The following FAH variants were observed in gnomAD, a reference collection of about 807,000 sequenced individuals.
FAH encodes the protein fumarylacetoacetate hydrolase.
FAH carries 47 observed loss-of-function variants against 55.8 expected under a neutral mutation model. The observed-to-expected ratio is 0.84, with a 90% CI of 0.67 to 1.07. The LOEUF (loss-of-function observed/expected upper bound fraction) is 1.07. FAH is among the 50% of genes least tolerant of loss of function. The pLI, the probability that FAH is intolerant of heterozygous loss-of-function variation, is 0.00. For synonymous variants in FAH, 199 were observed against 207.7 expected, an observed-to-expected ratio of 0.96 and a Z score of 0.36; for missense variants, 495 against 545.9, an observed-to-expected ratio of 0.91 and a Z score of 0.93.
chr15:80,184,946 A>C (rs2041358318), intron 13 of FAH, among the ~76,000 whole-genome samples: 1 of 151,818 alleles, frequency 6.6e-6, no homozygotes, highest in African/African-American at 2.4e-5. Context: ...CCTTGTAAGC[A>C]TTTCTCTGTA....
At chr15:80,183,662 TTCTAA>T (rs961923075) in intron 13 of FAH, among the ~76,000 whole-genome samples, 2 of 152,212 alleles carry the variant, frequency 1.3e-5, no homozygotes, top group African/African-American at 2.4e-5. Context: ...CCAAATCAAT[TTCTAA>T]CCATTGGAAA....
chr15:80,182,269 C>A (rs1039951656), intron 13 of FAH, among the ~76,000 whole-genome samples: 2 of 152,080 alleles, frequency 1.3e-5, no homozygotes, highest in African/African-American at 4.8e-5. Flanking sequence ...TCTAAGATCC[C>A]AACTTAATCA....
intron 11 of FAH, among the ~76,000 whole-genome samples, chr15:80,178,707 C>T (rs901257617): frequency 6.6e-6 from 1 of 151,980 alleles, no homozygotes; most frequent in Non-Finnish European, 1.5e-5. Context: ...CCTCAGCCTC[C>T]CGGGTAGCTG....
At chr15:80,167,929 C>A in intron 5 of FAH, 123 bp from the exon 6 acceptor site, 2 of 753,370 alleles carry the variant, frequency 2.7e-6, no homozygotes, top group East Asian at 2.6e-5. Context: ...CTTGTAAGCA[C>A]CTGTTGATTT....
intron 1 of FAH, among the ~76,000 whole-genome samples, chr15:80,154,012 A>G (rs1227891189): frequency 6.6e-6 from 1 of 152,146 alleles, no homozygotes; most frequent in African/African-American, 2.4e-5. Flanking sequence ...TCCTTCCCCC[A>G]TGGCTTGTCA....
At chr15:80,152,837 T>C, upstream of FAH, 1 of 361,294 alleles carries the variant, frequency 2.8e-6, no homozygotes, top group Non-Finnish European at 4.7e-6. Flanking sequence ...CTGGCGGGGG[T>C]CAGGGTAGGG....
Position 80,153,122 on chromosome 15 carries a change from C to T in FAH, c.68C>T (p.Ser23Leu), listed in dbSNP as rs2041065979. The change falls in exon 1 of 14, where the codon TCG (serine) becomes TTG (leucine). Residue 23 changes from serine to leucine, a missense_variant. Ser to Leu is a moderately radical substitution (Grantham distance 145). Transcript: ENST00000561421. ...CACAACCTGCCCTACGGCGTCTTCT[C>T]GACCAGAGGCGACGTGAGCAGTGGG... The part of the protein sequence containing the change: ...PIHNLPYGVF[S>L]TRGDPRPRIG... 1.2e-6 allele frequency: 2 copies of T among 1,611,266 alleles called. No individual in the cohort carries two copies. Among genetic ancestry groups the T allele is most frequent in the Non-Finnish European group, 1.7e-6 (2 of 1,178,996 alleles).
intron 12 of FAH, 138 bp from the exon 13 acceptor site, chr15:80,180,904 C>G (rs1450273640): frequency 2.9e-6 from 2 of 683,064 alleles, no homozygotes; most frequent in South Asian, 1.5e-5. Flanking sequence ...GTGATCCCAC[C>G]AAGGCCGAGG....
chr15:80,155,796 C>T (rs2041093807), intron 1 of FAH, among the ~76,000 whole-genome samples: 1 of 152,206 alleles, frequency 6.6e-6, no homozygotes, highest in African/African-American at 2.4e-5. Context: ...GACGGGGGCT[C>T]TTCCCTCTAA....
At position 80,179,447 on chromosome 15, in the gene FAH, G is replaced by A. The variant is rs138951831; in HGVS notation, c.961-677G>A. 1.9e-3 allele frequency among the ~76,000 whole-genome samples: 292 copies of A among 152,244 alleles called. 1 individual carries two copies. The highest frequency in any genetic ancestry group is 6.7e-3 in the African/African-American group (279 of 41,532). On this transcript the variant is annotated intron_variant, in intron 11 of 13. Transcript: ENST00000561421. ...TCGTGGGCAAGAATCCATCTTTTGG[G>A]TTTCCTATGCCGGGATGTGTGGCTG... is the stretch of plus-strand genomic sequence containing the variant.
chr15:80,173,219 A>G, intron 9 of FAH, 75 bp downstream of exon 9: 4 of 1,590,138 alleles, frequency 2.5e-6, no homozygotes, highest in Non-Finnish European at 3.5e-6. Flanking sequence ...CTGAGTGGAC[A>G]TGCCAGGCAT....
chr15:80,177,654 C>T (rs749860701), intron 11 of FAH, 71 bp downstream of exon 11: 131 of 1,378,404 alleles, frequency 9.5e-5, no homozygotes, highest in Non-Finnish European at 1.3e-4. Context: ...CTGGCAGGAA[C>T]AGGAGGAGAG....
chr15:80,172,466 C>T (rs1204133367), intron 8 of FAH, among the ~76,000 whole-genome samples: 11 of 152,286 alleles, frequency 7.2e-5, no homozygotes, highest in Admixed American at 2.0e-4. Flanking sequence ...GCTAGGGACA[C>T]GGCTGACATC....
intron 1 of FAH, chr15:80,157,056 T>C (rs1225025962): frequency 3.9e-5 from 6 of 152,300 alleles, no homozygotes; most frequent in African/African-American, 1.4e-4. Flanking sequence ...AAAGCAGATT[T>C]GCCATTTTCA....
At chr15:80,155,838 A>G in intron 1 of FAH, 2 of 458,948 alleles carry the variant, frequency 4.4e-6, no homozygotes, top group African/African-American at 2.0e-5. Context: ...AGGCAGCATA[A>G]GTCAGCATTT....
At chr15:80,160,007 C>A in intron 3 of FAH, 130 bp downstream of exon 3, 1 of 1,229,966 alleles carries the variant, frequency 8.1e-7, no homozygotes, top group Non-Finnish European at 1.1e-6. Context: ...TGCCCTCATC[C>A]AGCCCCTGCC....
intron 4 of FAH, 56 bp downstream of exon 4, chr15:80,160,515 G>A: frequency 6.4e-7 from 1 of 1,552,230 alleles, no homozygotes. Flanking sequence ...GGCCAAGAGG[G>A]CTGGCCAGGT....
At chr15:80,173,982 A>G (rs4778758) in intron 9 of FAH, among the ~76,000 whole-genome samples, 111,181 of 152,038 alleles carry the variant, frequency 0.73, 40,773 homozygotes, top group East Asian at 0.88. Flanking sequence ...CTGCTCTCCC[A>G]TGCTCCTCTG....
chr15:80,180,555 A>G (rs1461953862), intron 12 of FAH, among the ~76,000 whole-genome samples: 1 of 152,148 alleles, frequency 6.6e-6, no homozygotes, highest in Non-Finnish European at 1.5e-5. Flanking sequence ...TGAGGTGGCC[A>G]TGCTGCTGTG....
Sources: allele counts gnomAD v4.1 joint callset (sites outside exome capture counted in the v4.1 genomes callset), GRCh38; gene constraint gnomAD v4.1.1; transcripts MANE v1.5; gene names NCBI Gene and HGNC (gene_info 2026-07-23, HGNC 2026-07-21).